CDH8: variants seen among roughly 807,000 people sequenced by gnomAD.
The protein encoded by CDH8 is cadherin-8.
Under a neutral mutation model 68.1 loss-of-function variants are expected in CDH8, and 17 were observed. The ratio of observed to expected loss-of-function variants is 0.25; its 90% CI spans 0.17 to 0.37. The LOEUF is 0.37. CDH8 is among the 10% of genes least tolerant of loss of function. The pLI is 1.00. For missense variants in CDH8, 763 were observed against 999.3 expected (o/e 0.76, Z 3.19); for synonymous variants, 372 against 365.1 (o/e 1.02, Z -0.21).
At chr16:61,694,122 A>C (rs910433278) in intron 10 of CDH8, among the ~76,000 whole-genome samples, 2 of 152,158 alleles carry the variant, frequency 1.3e-5, no homozygotes, top group African/African-American at 4.8e-5. Flanking sequence ...GATCGATCAT[A>C]ATCTAAAATT....
chr16:61,708,472 T>C (rs1445034727), intron 10 of CDH8, among the ~76,000 whole-genome samples: 4 of 152,184 alleles, frequency 2.6e-5, no homozygotes, highest in African/African-American at 7.2e-5. Context: ...CTGCAGGTAC[T>C]CTTAAATTAC....
chr16:61,779,805 C>T (rs557157196), intron 8 of CDH8, among the ~76,000 whole-genome samples: 3 of 152,170 alleles, frequency 2.0e-5, no homozygotes. Flanking sequence ...TCACCTCACC[C>T]TTGTCCTTGC....
chr16:61,769,097 A>T (rs539318811), intron 8 of CDH8, among the ~76,000 whole-genome samples: 1 of 151,988 alleles, frequency 6.6e-6, no homozygotes, highest in South Asian at 2.1e-4. Context: ...TATGATATTA[A>T]CAAGTGCCAT....
chr16:61,871,835 A>AAC (rs1963373891), intron 3 of CDH8, among the ~76,000 whole-genome samples: 8 of 147,384 alleles, frequency 5.4e-5, no homozygotes, highest in African/African-American at 7.5e-5. Flanking sequence ...AAAAAAAAAA[A>AAC]AAAAAAAAAA....
intron 10 of CDH8, among the ~76,000 whole-genome samples, chr16:61,687,142 T>A (rs1964125943): frequency 6.6e-6 from 1 of 151,924 alleles, no homozygotes; most frequent in African/African-American, 2.4e-5. Context: ...TATAATACAT[T>A]AATTATAGTC....
intron 4 of CDH8, among the ~76,000 whole-genome samples, chr16:61,839,439 A>G (rs1962639045): frequency 6.6e-6 from 1 of 152,200 alleles, no homozygotes; most frequent in South Asian, 2.1e-4. Context: ...CATGTATTCA[A>G]ATGATCTGGT....
chr16:61,847,435 GCT>G (rs1665377047), intron 4 of CDH8, among the ~76,000 whole-genome samples: 1 of 151,052 alleles, frequency 6.6e-6, no homozygotes, highest in Non-Finnish European at 1.5e-5. Flanking sequence ...TTCTACCTCT[GCT>G]CTCTTAGTGG....
chr16:61,829,794 C>G (rs967104275), intron 4 of CDH8, among the ~76,000 whole-genome samples: 2 of 151,826 alleles, frequency 1.3e-5, no homozygotes, highest in African/African-American at 2.4e-5. Context: ...ACAGCTCTTG[C>G]TTTCCCGAGT....
chr16:62,010,641 T>C (rs1468365317), intron 2 of CDH8, among the ~76,000 whole-genome samples: 1 of 152,104 alleles, frequency 6.6e-6, no homozygotes, highest in Non-Finnish European at 1.5e-5. Context: ...TTACTTAAAA[T>C]CTCTTTTTCT....
chr16:61,869,231 T>C (rs1257086332), intron 3 of CDH8, among the ~76,000 whole-genome samples: 1 of 152,106 alleles, frequency 6.6e-6, no homozygotes, highest in East Asian at 1.9e-4. Flanking sequence ...GTACCAATGA[T>C]GAATACCGGT....
At chr16:61,879,935 T>G (rs1016719656) in intron 3 of CDH8, among the ~76,000 whole-genome samples, 2 of 150,696 alleles carry the variant, frequency 1.3e-5, no homozygotes, top group African/African-American at 2.4e-5. Context: ...GTTTGGTTTG[T>G]TTTTTTTTGA....
intron 8 of CDH8, among the ~76,000 whole-genome samples, chr16:61,736,673 A>G (rs964181585): frequency 3.3e-5 from 5 of 152,206 alleles, no homozygotes; most frequent in East Asian, 1.9e-4. Flanking sequence ...AATTTCCAAC[A>G]TAAGTGTCAT....
intron 2 of CDH8, among the ~76,000 whole-genome samples, chr16:61,971,141 A>G (rs1372669934): frequency 6.6e-6 from 1 of 152,158 alleles, no homozygotes; most frequent in African/African-American, 2.4e-5. Context: ...CCCAAAACTT[A>G]TAAGAACTGA....
At chr16:61,759,268 T>C (rs1390643543) in intron 8 of CDH8, among the ~76,000 whole-genome samples, 1 of 151,732 alleles carries the variant, frequency 6.6e-6, no homozygotes, top group Non-Finnish European at 1.5e-5. Flanking sequence ...CTCCCAAACA[T>C]TTACAGGCAG....
At chr16:61,999,453 G>A (rs16964152) in intron 2 of CDH8, among the ~76,000 whole-genome samples, 1,782 of 152,190 alleles carry the variant, frequency 0.012, 37 homozygotes, top group African/African-American at 0.041. Flanking sequence ...CAGAGAGCAC[G>A]AAGAATGAAA....
chr16:61,782,403 C>G (rs553683555), intron 8 of CDH8, among the ~76,000 whole-genome samples: 1 of 151,920 alleles, frequency 6.6e-6, no homozygotes, highest in African/African-American at 2.4e-5. Flanking sequence ...CGGCGCACCA[C>G]GAGACTATAT....
chr16:61,855,351 G>T (rs904877197), intron 4 of CDH8, among the ~76,000 whole-genome samples: 2 of 152,006 alleles, frequency 1.3e-5, no homozygotes, highest in Admixed American at 6.6e-5. Flanking sequence ...CTTAGCAGGG[G>T]GCTTTTATTA....
intron 8 of CDH8, among the ~76,000 whole-genome samples, chr16:61,776,540 T>C (rs1484058725): frequency 1.3e-5 from 2 of 152,076 alleles, no homozygotes; most frequent in East Asian, 1.9e-4. Flanking sequence ...CCTATTAATA[T>C]ATATAATCAA....
intron 8 of CDH8, among the ~76,000 whole-genome samples, chr16:61,768,335 T>C (rs1011578794): frequency 3.4e-5 from 4 of 117,232 alleles, no homozygotes; most frequent in Non-Finnish European, 7.2e-5. Context: ...TCTCTCTCTC[T>C]CTCTCTCTCT....
Sources: allele counts gnomAD v4.1 joint callset (sites outside exome capture counted in the v4.1 genomes callset), GRCh38; gene constraint gnomAD v4.1.1; transcripts MANE v1.5; gene names NCBI Gene and HGNC (gene_info 2026-07-23, HGNC 2026-07-21).